Variants in DAB1 observed in about 807,000 individuals in gnomAD.
DAB1 encodes disabled homolog 1.
Under a neutral mutation model 64.6 loss-of-function variants are expected in DAB1, and 15 were observed. The observed-to-expected ratio is 0.23, with a 90% CI of 0.16 to 0.36. The LOEUF (loss-of-function observed/expected upper bound fraction) is 0.36. Ranked by LOEUF, DAB1 falls within the 10% of genes least tolerant of loss-of-function variation. The probability of loss-of-function intolerance (pLI) is 1.00; values close to 1 mark genes in which losing one functional copy is unlikely to be tolerated. For synonymous variants in DAB1, 235 were observed against 251.9 expected (o/e 0.93, Z 0.64); for missense variants, 596 against 706.7 (o/e 0.84, Z 1.78).
intron 6 of DAB1, among the ~76,000 whole-genome samples, chr1:57,777,045 G>A (rs1569647863): frequency 7.1e-6 from 1 of 139,992 alleles, no homozygotes; most frequent in South Asian, 2.2e-4. Context: ...TTCCAATATT[G>A]TCTTAATTTT....
At position 57,138,316 on chromosome 1, in the gene DAB1, C is replaced by T. The variant is rs146913501; in HGVS notation, c.208-1675G>A. Among the ~76,000 whole-genome samples the T allele has an allele frequency of 6.2e-4, 94 of 152,170 alleles. 2 individuals carry two copies. The East Asian group carries it at 0.017, about 27-fold the overall frequency. On this transcript the variant is annotated intron_variant, in intron 3 of 14. Transcript: ENST00000371236. The stretch of plus-strand genomic sequence containing the variant: ...AATGATGAACTGAAAGGTAGTAGAC[C>T]GTCCTGAGACAGCACAGGGAATTGG...
At chr1:58,127,337 T>C (rs1653179512) in intron 5 of DAB1, among the ~76,000 whole-genome samples, 1 of 152,116 alleles carries the variant, frequency 6.6e-6, no homozygotes, top group Non-Finnish European at 1.5e-5. Flanking sequence ...TTGTTTGAGT[T>C]CATTGTAGAT....
chr1:58,233,280 A>G (rs1659863030), intron 4 of DAB1, among the ~76,000 whole-genome samples: 1 of 152,218 alleles, frequency 6.6e-6, no homozygotes, highest in Non-Finnish European at 1.5e-5. Context: ...CATAATTTCA[A>G]TCTCCATAAC....
chr1:57,370,756 T>A (rs1435092623), intron 1 of DAB1, among the ~76,000 whole-genome samples: 31 of 152,234 alleles, frequency 2.0e-4, no homozygotes, highest in Non-Finnish European at 4.4e-5. Context: ...TTAATTCCAC[T>A]TTCTTCCTAA....
chr1:58,529,423 T>G (rs950216025), intron 1 of DAB1, among the ~76,000 whole-genome samples: 1 of 152,254 alleles, frequency 6.6e-6, no homozygotes, highest in Admixed American at 6.5e-5. Context: ...AGACCTACTT[T>G]CAGTATTACA....
At chr1:57,666,870 G>A (rs1455344606) in intron 6 of DAB1, among the ~76,000 whole-genome samples, 1 of 151,134 alleles carries the variant, frequency 6.6e-6, no homozygotes, top group Non-Finnish European at 1.5e-5. Flanking sequence ...GAGAGGGAGA[G>A]GGAGGGGGAA....
chr1:58,537,776 A>G (rs1318969244), intron 1 of DAB1, among the ~76,000 whole-genome samples: 3 of 152,236 alleles, frequency 2.0e-5, no homozygotes, highest in African/African-American at 7.2e-5. Flanking sequence ...AAATCAAACT[A>G]TCGAGTATAC....
chr1:57,160,564 G>T (rs2100882578), intron 2 of DAB1, among the ~76,000 whole-genome samples: 1 of 152,290 alleles, frequency 6.6e-6, no homozygotes, highest in Non-Finnish European at 1.5e-5. Context: ...TGTAACCAAA[G>T]GGTCCTATTT....
At chr1:57,573,635 T>C (rs140120831) in intron 7 of DAB1, among the ~76,000 whole-genome samples, 6 of 152,296 alleles carry the variant, frequency 3.9e-5, no homozygotes, top group East Asian at 3.9e-4. Flanking sequence ...TAAGTATTCA[T>C]TGTGGTATAA....
Position 57,152,777 on chromosome 1 carries a change from T to C in DAB1, c.68-7348A>G, listed in dbSNP as rs149165612. Among the ~76,000 whole-genome samples the C allele has an allele frequency of 2.4e-3, 358 of 152,314 alleles. 3 individuals are homozygous for C. The highest frequency in any genetic ancestry group is 8.0e-3 in the African/African-American group (334 of 41,556). ...TTATAACTGTATGATGTACATTGGA[T>C]ATATCAGTTTATTGTTATAGCAACA... On this transcript the variant is annotated intron_variant, in intron 2 of 14. Transcript: ENST00000371236.
intron 2 of DAB1, among the ~76,000 whole-genome samples, chr1:57,206,174 T>C (rs1323320620): frequency 2.6e-5 from 4 of 152,194 alleles, no homozygotes; most frequent in Non-Finnish European, 5.9e-5. Context: ...TTCTGCAATT[T>C]AGGGAACTAA....
chr1:57,388,478 G>A (rs1682070959), intron 1 of DAB1, among the ~76,000 whole-genome samples: 1 of 151,926 alleles, frequency 6.6e-6, no homozygotes, highest in African/African-American at 2.4e-5. Flanking sequence ...TAAAATCTTC[G>A]AGGCTCCTCT....
chr1:58,328,431 C>T (rs913862828), intron 4 of DAB1, among the ~76,000 whole-genome samples: 10 of 152,216 alleles, frequency 6.6e-5, no homozygotes, highest in African/African-American at 7.2e-5. Flanking sequence ...CCAGCAGCAT[C>T]GGCTTGACTC....
chr1:57,008,526 C>T (rs1373624395), intron 14 of DAB1, among the ~76,000 whole-genome samples: 1 of 152,106 alleles, frequency 6.6e-6, no homozygotes, highest in Non-Finnish European at 1.5e-5. Flanking sequence ...ACATATATCA[C>T]TTTATTTAGT....
intron 3 of DAB1, among the ~76,000 whole-genome samples, chr1:58,451,967 G>C (rs944090332): frequency 6.7e-6 from 1 of 148,738 alleles, no homozygotes; most frequent in African/African-American, 2.5e-5. Flanking sequence ...GCCCAGACTG[G>C]AGTGCAATGG....
intron 4 of DAB1, among the ~76,000 whole-genome samples, chr1:57,102,838 C>A (rs900821793): frequency 6.6e-6 from 1 of 152,114 alleles, no homozygotes; most frequent in Non-Finnish European, 1.5e-5. Flanking sequence ...TTTAAAGAGG[C>A]CAGAACATAC....
chr1:58,242,156 C>A (rs1660324510), intron 4 of DAB1, among the ~76,000 whole-genome samples: 1 of 152,012 alleles, frequency 6.6e-6, no homozygotes, highest in South Asian at 2.1e-4. Context: ...CATATCTAAA[C>A]CCTTTGACTC....
intron 14 of DAB1, among the ~76,000 whole-genome samples, chr1:57,006,673 C>A (rs1488281902): frequency 1.3e-5 from 2 of 152,140 alleles, no homozygotes; most frequent in Non-Finnish European, 2.9e-5. Context: ...TTAGGTTGGA[C>A]TTGTCATTGA....
chr1:57,961,377 C>T lies in DAB1; in HGVS notation n.388-77215G>A, dbSNP rs560565033. On this transcript the variant is annotated intron_variant and non_coding_transcript_variant, in intron 5 of 20. Transcript: ENST00000485760. ...CTAAACTTTTCAATTTCCTTCTTCTCAAAATTATCAGTTGGCTCAGAACTC... is the reference window on the plus strand; with the variant it reads ...CTAAACTTTTCAATTTCCTTCTTCTTAAAATTATCAGTTGGCTCAGAACTC... Among the ~76,000 whole-genome samples the T allele has an allele frequency of 2.6e-5, 4 of 152,200 alleles. No homozygotes were observed. In the East Asian group the frequency reaches 5.8e-4, roughly 22 times the overall value.
Sources: allele counts gnomAD v4.1 joint callset (sites outside exome capture counted in the v4.1 genomes callset), GRCh38; gene constraint gnomAD v4.1.1; transcripts MANE v1.5; gene names NCBI Gene and HGNC (gene_info 2026-07-23, HGNC 2026-07-21).